CFAP299: variants seen among roughly 807,000 people sequenced by gnomAD.
CFAP299 encodes cilia- and flagella-associated protein 299.
CFAP299 carries 21 observed loss-of-function variants against 27.0 expected under a neutral mutation model. The ratio of observed to expected loss-of-function variants is 0.78; its 90% CI spans 0.55 to 1.12. CFAP299 has a LOEUF of 1.12. Ranked by LOEUF, CFAP299 falls within the 50% of genes most tolerant of loss-of-function variation. The pLI is 0.00. For missense variants in CFAP299, 310 were observed against 276.6 expected (o/e 1.12, Z -0.86); for synonymous variants, 104 against 98.1 (o/e 1.06, Z -0.36).
Position 80,631,868 on chromosome 4 carries a change from C to CA in CFAP299, c.333+48685_333+48686insA, listed in dbSNP as rs1553942320. ...CAGTCTGAATATTTGTGCCCCACCC[C>CA]CCCCCAACCAAATTCATATGTTAAC... On this transcript the variant is annotated intron_variant, in intron 3 of 5. Transcript: ENST00000358105. 5.6e-5 allele frequency among the ~76,000 whole-genome samples: 6 copies of CA among 107,850 alleles called. 1 individual carries two copies. Among genetic ancestry groups the CA allele is most frequent in the South Asian group, 8.5e-4 (2 of 2,340 alleles). The allele number at this position is 107,850 out of a possible 152,430, so 70.8% of individuals were successfully genotyped here.
chr4:80,519,777 G>T (rs1732809754), intron 2 of CFAP299, among the ~76,000 whole-genome samples: 1 of 152,106 alleles, frequency 6.6e-6, no homozygotes, highest in Admixed American at 6.5e-5. Flanking sequence ...GTAGACCATG[G>T]CCAAATATGT....
intron 3 of CFAP299, among the ~76,000 whole-genome samples, chr4:80,781,482 C>G (rs959829722): frequency 1.3e-5 from 2 of 152,006 alleles, no homozygotes; most frequent in African/African-American, 4.8e-5. Context: ...GAATGGGTTT[C>G]ATAAAAAGCA....
intron 2 of CFAP299, among the ~76,000 whole-genome samples, chr4:80,516,822 G>A (rs747817874): frequency 6.6e-6 from 1 of 152,084 alleles, no homozygotes; most frequent in Non-Finnish European, 1.5e-5. Flanking sequence ...AGATTTAAAG[G>A]CCAATTGGGA....
At chr4:80,842,793 C>T (rs919846049) in intron 3 of CFAP299, among the ~76,000 whole-genome samples, 25 of 152,070 alleles carry the variant, frequency 1.6e-4, no homozygotes, top group African/African-American at 6.0e-4. Flanking sequence ...ATTTACTAGC[C>T]TGAAATGTTC....
Position 80,651,704 on chromosome 4 carries a change from TTGTG to T in CFAP299, c.333+68553_333+68556del, listed in dbSNP as rs34460418. Among the ~76,000 whole-genome samples, 439 of 139,628 alleles carry T rather than the reference TTGTG, an allele frequency of 3.1e-3. 2 individuals carry two copies. Among genetic ancestry groups the T allele is most frequent in the African/African-American group, 4.9e-3 (186 of 38,272 alleles). The allele number at this position is 139,628 out of a possible 152,430, so 91.6% of individuals were successfully genotyped here. A position where few individuals can be genotyped will look rare whatever the true frequency, so the allele number is the denominator to read the frequency against. ...TTTTTCTAAGCTGTTAGGTATGCAC[TTGTG>T]TGTGTGTGTGTGTGTGTGTGTGTGT... On this transcript the variant is annotated intron_variant, in intron 3 of 5. Coordinates refer to ENST00000358105, the MANE Select transcript of CFAP299 (RefSeq NM_152770.3).
chr4:80,906,333 C>T (rs376138496), intron 4 of CFAP299, among the ~76,000 whole-genome samples: 5 of 152,220 alleles, frequency 3.3e-5, no homozygotes, highest in African/African-American at 7.2e-5. Flanking sequence ...GGTACAGCCC[C>T]GCTCCTGGCT....
intron 3 of CFAP299, among the ~76,000 whole-genome samples, chr4:80,857,179 G>A (rs185472938): frequency 1.3e-5 from 2 of 152,320 alleles, no homozygotes; most frequent in East Asian, 1.9e-4. Context: ...GTGAATGGGA[G>A]TTCACTCATG....
In CFAP299 at chr4:80,591,123, T is replaced by TA. The variant is rs1560643027; in HGVS notation, c.333+7940_333+7941insA. Among the ~76,000 whole-genome samples, 103 of 133,760 alleles carry TA rather than the reference T, an allele frequency of 7.7e-4. 4 individuals are homozygous for TA. The highest frequency in any genetic ancestry group is 2.2e-3 in the Admixed American group (29 of 13,052). 87.8% of individuals were successfully genotyped at this position (133,760 alleles called of 152,430 possible). ...TTAGGAAATTTTTTTTTTTTTTTTTTTTTTTTTTATTTTTTTTTGAGACGG... is the reference window on the plus strand; with the variant it reads ...TTAGGAAATTTTTTTTTTTTTTTTTTATTTTTTTTATTTTTTTTTGAGACGG... On this transcript the variant is annotated intron_variant, in intron 3 of 5. Coordinates refer to ENST00000358105, the MANE Select transcript of CFAP299 (RefSeq NM_152770.3).
At chr4:80,751,506 C>T (rs1460891177) in intron 3 of CFAP299, among the ~76,000 whole-genome samples, 2 of 152,072 alleles carry the variant, frequency 1.3e-5, no homozygotes, top group East Asian at 3.9e-4. Flanking sequence ...TCTTAGAGCC[C>T]CAGCCATAGA....
At chr4:80,685,052 G>T (rs1020081793) in intron 3 of CFAP299, among the ~76,000 whole-genome samples, 1 of 151,988 alleles carries the variant, frequency 6.6e-6, no homozygotes, top group Non-Finnish European at 1.5e-5. Context: ...TGAAAATTTG[G>T]ATCTGGATGC....
chr4:80,667,964 C>G (rs1343617793), intron 3 of CFAP299, among the ~76,000 whole-genome samples: 1 of 151,928 alleles, frequency 6.6e-6, no homozygotes, highest in East Asian at 1.9e-4. Context: ...TCCTCTTTTT[C>G]TACATTCTTG....
upstream of CFAP299, among the ~76,000 whole-genome samples, chr4:80,334,629 A>G (rs958891515): frequency 2.6e-5 from 4 of 152,172 alleles, no homozygotes; most frequent in East Asian, 1.9e-4. Flanking sequence ...CCCAAATTCA[A>G]TAATTAAATT....
chr4:80,356,219 C>T (rs564650054), intron 1 of CFAP299, among the ~76,000 whole-genome samples: 12 of 152,166 alleles, frequency 7.9e-5, no homozygotes, highest in South Asian at 2.1e-4. Flanking sequence ...TGTACCAGTA[C>T]CATGCTGTTT....
chr4:80,572,219 T>C (rs961000139), intron 2 of CFAP299, among the ~76,000 whole-genome samples: 1 of 152,094 alleles, frequency 6.6e-6, no homozygotes, highest in African/African-American at 2.4e-5. Context: ...AAATGTACGA[T>C]AAAGTACTGT....
intron 4 of CFAP299, among the ~76,000 whole-genome samples, chr4:80,932,913 G>A (rs1736692028): frequency 6.6e-6 from 1 of 151,628 alleles, no homozygotes; most frequent in Non-Finnish European, 1.5e-5. Context: ...TTTACAGGCT[G>A]GCTACACAAA....
chr4:80,455,336 T>A (rs1729092053), intron 2 of CFAP299, among the ~76,000 whole-genome samples: 2 of 152,230 alleles, frequency 1.3e-5, no homozygotes, highest in Non-Finnish European at 2.9e-5. Flanking sequence ...AGGTCAGGTC[T>A]CTTTCACTGT....
intron 5 of CFAP299, among the ~76,000 whole-genome samples, chr4:80,956,366 T>C (rs1337572141): frequency 1.3e-5 from 2 of 152,170 alleles, no homozygotes; most frequent in African/African-American, 4.8e-5. Flanking sequence ...AGTCATTTTA[T>C]TTGCTCCAGT....
chr4:80,481,210 T>C (rs1483161924), intron 2 of CFAP299, among the ~76,000 whole-genome samples: 1 of 152,068 alleles, frequency 6.6e-6, no homozygotes, highest in Non-Finnish European at 1.5e-5. Flanking sequence ...AGTACTCTAT[T>C]GACAATGAGA....
At chr4:80,432,877 GGGA>G (rs1054200590) in intron 2 of CFAP299, among the ~76,000 whole-genome samples, 2 of 152,088 alleles carry the variant, frequency 1.3e-5, no homozygotes, top group Non-Finnish European at 2.9e-5. Flanking sequence ...TAGAGTTGGA[GGGA>G]GGGGAATAAG....
Sources: gnomAD v4.1 joint callset for allele counts (sites outside exome capture counted in the v4.1 genomes callset) on GRCh38, gnomAD v4.1.1 for gene constraint, MANE v1.5 for transcripts, NCBI Gene and HGNC (gene_info 2026-07-23, HGNC 2026-07-21) for gene names.